C2CD3: variants seen among roughly 807,000 people sequenced by gnomAD.
C2CD3 encodes the protein C2 domain-containing protein 3.
In C2CD3, 148 loss-of-function variants were observed where a neutral mutation model predicts 234.0. The observed-to-expected ratio is 0.63, with a 90% CI of 0.55 to 0.72. The LOEUF (loss-of-function observed/expected upper bound fraction) is 0.72. Ranked by LOEUF, C2CD3 falls within the 30% of genes least tolerant of loss-of-function variation. C2CD3 has a pLI of 0.00. For missense variants in C2CD3, 2,577 were observed against 2,811.5 expected (o/e 0.92, Z 1.89); for synonymous variants, 1,000 against 1,035.4 (o/e 0.97, Z 0.66).
chr11:74,021,583 T>A (rs1591265507), intron 32 of C2CD3, among the ~76,000 whole-genome samples: 1 of 152,178 alleles, frequency 6.6e-6, no homozygotes, highest in South Asian at 2.1e-4. Context: ...GAAGAAGTGA[T>A]GCCTTAGAAA....
Position 74,095,339 on chromosome 11 carries a change from C to T in C2CD3, c.3049G>A (p.Ala1017Thr). 1 of 1,613,828 alleles carries T rather than the reference C, an allele frequency of 6.2e-7. No homozygotes were observed. The highest frequency in any genetic ancestry group is 2.2e-5 in the East Asian group (1 of 44,856). The change falls in exon 17 of 33, where the codon GCC becomes ACC. Residue 1017 changes from alanine to threonine, a missense_variant. Ala to Thr is a moderately conservative substitution (Grantham distance 58). Coordinates refer to ENST00000334126, the MANE Select transcript of C2CD3 (RefSeq NM_001286577.2). Reference protein sequence around the residue: ...EIHIEMVKGLAPLQATVWGEA... With the variant: ...EIHIEMVKGLTPLQATVWGEA... The stretch of plus-strand genomic sequence containing the variant: ...CCCCAGACTGTTGCCTGAAGAGGGG[C>T]TAGCCCTTTAACCATCTCTATATGG...
chr11:74,094,494 C>T (rs928329893), intron 17 of C2CD3, among the ~76,000 whole-genome samples: 1 of 152,118 alleles, frequency 6.6e-6, no homozygotes, highest in African/African-American at 2.4e-5. Context: ...GGAACATACA[C>T]CGAATGGCAA....
intron 26 of C2CD3, among the ~76,000 whole-genome samples, chr11:74,054,188 C>A (rs1953840858): frequency 6.7e-6 from 1 of 149,508 alleles, no homozygotes; most frequent in Non-Finnish European, 1.5e-5. Flanking sequence ...AGGAGAATGG[C>A]GTGAACCTGG....
chr11:74,028,218 A>C lies in C2CD3; in HGVS notation c.6921+69T>G, dbSNP rs902729549. 10 of 1,162,708 alleles carry C rather than the reference A, an allele frequency of 8.6e-6. No individual in the cohort carries two copies. The Admixed American group carries it at 1.3e-4, about 15-fold the overall frequency. The allele number at this position is 1,162,708 out of a possible 1,614,324, so 72.0% of individuals were successfully genotyped here. On this transcript the variant is annotated intron_variant, in intron 32 of 32. Coordinates refer to ENST00000334126, the MANE Select transcript of C2CD3 (RefSeq NM_001286577.2). ...GGAAGATGACCTGGGGCAGCTCTGC[A>C]TTCTGTGCACACTTCTGTGGAAGAG...
chr11:74,126,399 A>G (rs1166305947), intron 7 of C2CD3, among the ~76,000 whole-genome samples: 1 of 152,256 alleles, frequency 6.6e-6, no homozygotes, highest in Non-Finnish European at 1.5e-5. Flanking sequence ...CTTTTTCCAT[A>G]AACAGCTTTA....
intron 28 of C2CD3, among the ~76,000 whole-genome samples, chr11:74,047,060 A>G (rs1045411272): frequency 2.0e-5 from 3 of 152,244 alleles, no homozygotes; most frequent in Admixed American, 2.0e-4. Context: ...AAACTAAAGT[A>G]ATTAGCCTCA....
At position 74,158,225 on chromosome 11, in the gene C2CD3, A is replaced by G. The variant is rs77543822; in HGVS notation, c.483+3174T>C. Among the ~76,000 whole-genome samples the G allele has an allele frequency of 3.5e-3, 537 of 152,372 alleles. 5 individuals are homozygous for G. Among genetic ancestry groups the G allele is most frequent in the African/African-American group, 0.012 (509 of 41,590 alleles). ...AAAAGCTCTGCACAACAAAGGAAAC[A>G]ATCAACACAGCAAAGGGACAACCCA... On this transcript the variant is annotated intron_variant, in intron 3 of 32. Coordinates refer to ENST00000334126, the MANE Select transcript of C2CD3 (RefSeq NM_001286577.2).
chr11:74,025,149 C>T (rs1362226191), intron 32 of C2CD3, among the ~76,000 whole-genome samples: 1 of 152,064 alleles, frequency 6.6e-6, no homozygotes, highest in African/African-American at 2.4e-5. Context: ...CATCAGGATA[C>T]TTCTGGACTG....
chr11:74,037,873 C>G (rs1340336129), intron 29 of C2CD3, among the ~76,000 whole-genome samples, 175 bp from the exon 30 acceptor site: 1 of 152,170 alleles, frequency 6.6e-6, no homozygotes, highest in Admixed American at 6.5e-5. Flanking sequence ...ACTCCTCTGA[C>G]TACAATCCTG....
At chr11:74,102,177 A>G (rs1378695968) in intron 14 of C2CD3, among the ~76,000 whole-genome samples, 2 of 152,240 alleles carry the variant, frequency 1.3e-5, no homozygotes, top group Non-Finnish European at 2.9e-5. Context: ...GACAAATAAC[A>G]GGTTCTACTT....
At chr11:74,084,307 G>A (rs1228041991) in intron 22 of C2CD3, among the ~76,000 whole-genome samples, 1 of 152,070 alleles carries the variant, frequency 6.6e-6, no homozygotes, top group Non-Finnish European at 1.5e-5. Context: ...GTGGAGGGCA[G>A]GGGGAGGGAT....
chr11:74,169,334 C>T (rs1857004447), intron 1 of C2CD3, among the ~76,000 whole-genome samples: 1 of 152,190 alleles, frequency 6.6e-6, no homozygotes, highest in Non-Finnish European at 1.5e-5. Flanking sequence ...TTAATCATGA[C>T]TTTCTAAAAA....
At chr11:74,130,760 T>G (rs1002790370) in intron 7 of C2CD3, among the ~76,000 whole-genome samples, 4 of 152,172 alleles carry the variant, frequency 2.6e-5, no homozygotes, top group African/African-American at 9.7e-5. Flanking sequence ...GTAGTAAGCT[T>G]TAAAATTGGA....
chr11:74,120,166 T>G (rs943056084), intron 8 of C2CD3, among the ~76,000 whole-genome samples: 1 of 152,042 alleles, frequency 6.6e-6, no homozygotes, highest in African/African-American at 2.4e-5. Context: ...CTAGGGTACA[T>G]GTGCACAACG....
chr11:74,111,625 C>T (rs1956748250), intron 11 of C2CD3, among the ~76,000 whole-genome samples: 1 of 152,100 alleles, frequency 6.6e-6, no homozygotes, highest in Admixed American at 6.6e-5. Context: ...AAAGGACACT[C>T]AACTTGTGTA....
chr11:74,040,908 G>GCACACA (rs148961390), intron 29 of C2CD3, among the ~76,000 whole-genome samples: 1 of 144,692 alleles, frequency 6.9e-6, no homozygotes, highest in Non-Finnish European at 1.5e-5. Flanking sequence ...ACACACACAC[G>GCACACA]CACACACACA....
At chr11:74,072,345 T>C (rs988001469) in intron 24 of C2CD3, among the ~76,000 whole-genome samples, 1 of 152,116 alleles carries the variant, frequency 6.6e-6, no homozygotes, top group African/African-American at 2.4e-5. Context: ...GGAGTAGGAA[T>C]GAGAGATAAA....
intron 3 of C2CD3, among the ~76,000 whole-genome samples, chr11:74,147,455 C>T (rs1433020118): frequency 2.0e-5 from 3 of 152,132 alleles, no homozygotes; most frequent in Non-Finnish European, 4.4e-5. Context: ...GACAACACCC[C>T]TGAAAAACTG....
chr11:74,102,256 G>A (rs2135495350), intron 14 of C2CD3, among the ~76,000 whole-genome samples: 1 of 152,298 alleles, frequency 6.6e-6, no homozygotes, highest in Admixed American at 6.5e-5. Flanking sequence ...TGGAAGAAGT[G>A]ATAAATTCAG....
Sources: gnomAD v4.1 joint callset for allele counts (sites outside exome capture counted in the v4.1 genomes callset) on GRCh38, gnomAD v4.1.1 for gene constraint, MANE v1.5 for transcripts, NCBI Gene and HGNC (gene_info 2026-07-23, HGNC 2026-07-21) for gene names.